REPS1: variants seen among roughly 807,000 people sequenced by gnomAD.
REPS1 encodes RALBP1 associated Eps domain containing 1, also known as ralBP1-associated Eps domain-containing protein 1.
A neutral mutation model predicts 100.9 loss-of-function variants in REPS1; 39 were observed. The ratio of observed to expected loss-of-function variants is 0.39; its 90% CI spans 0.30 to 0.50. The LOEUF is 0.50. Ranked by LOEUF, REPS1 falls within the 20% of genes least tolerant of loss-of-function variation. The pLI, the probability that REPS1 is intolerant of heterozygous loss-of-function variation, is 0.86. For missense variants in REPS1, 821 were observed against 968.5 expected, an observed-to-expected ratio of 0.85 and a Z score of 2.02; for synonymous variants, 324 against 340.3, an observed-to-expected ratio of 0.95 and a Z score of 0.53.
chr6:138,961,925 A>G (rs922845155), intron 1 of REPS1, among the ~76,000 whole-genome samples: 9 of 152,200 alleles, frequency 5.9e-5, no homozygotes, highest in African/African-American at 1.9e-4. Context: ...GTGCAGGTGT[A>G]AAGGAAGCAG....
chr6:138,905,806 A>C (rs781059400), intron 19 of REPS1, among the ~76,000 whole-genome samples: 10 of 152,180 alleles, frequency 6.6e-5, no homozygotes, highest in Non-Finnish European at 1.3e-4. Context: ...ACATCTGGCT[A>C]TATCAACTCC....
Position 138,941,295 on chromosome 6 carries a change from T to G in REPS1, c.1135+40A>C, listed in dbSNP as rs762526146. 4.0e-5 allele frequency: 64 copies of G among 1,602,504 alleles called. 1 individual carries two copies. The highest frequency in any genetic ancestry group is 5.4e-5 in the Non-Finnish European group (63 of 1,172,160). ...CTTTCAGAATCAAGCATTATGTTTA[T>G]CAAGGCATGCAAACAGCTCTCTTCA... On this transcript the variant is annotated intron_variant, in intron 8 of 19. Transcript: ENST00000450536.
chr6:138,908,083 G>A (rs948344983), intron 18 of REPS1, among the ~76,000 whole-genome samples: 1 of 152,024 alleles, frequency 6.6e-6, no homozygotes, highest in African/African-American at 2.4e-5. Flanking sequence ...GCTGATTCCT[G>A]GTCTAGAACA....
chr6:138,957,203 A>G (rs1320617621), intron 1 of REPS1, among the ~76,000 whole-genome samples: 2 of 152,150 alleles, frequency 1.3e-5, no homozygotes, highest in African/African-American at 4.8e-5. Flanking sequence ...AAATGAACCA[A>G]AAAAATTCCT....
At chr6:138,935,872 G>GGGGGGGGGGGGGC (rs1781796702) in intron 8 of REPS1, among the ~76,000 whole-genome samples, 1 of 86,162 alleles carries the variant, frequency 1.2e-5, no homozygotes, top group African/African-American at 4.2e-5. Flanking sequence ...GGGGGGGCGC[G>GGGGGGGGGGGGGC]GGGGAGTGGT....
At chr6:138,923,383 A>T (rs1037263451) in intron 10 of REPS1, among the ~76,000 whole-genome samples, 18 of 152,228 alleles carry the variant, frequency 1.2e-4, no homozygotes, top group Non-Finnish European at 2.4e-4. Context: ...TAGAAATTTT[A>T]AAAAAGAAAA....
rs560163562 is a variant in REPS1 at position 138,923,992 on chromosome 6, G to T, written c.1338+2409C>A. Among the ~76,000 whole-genome samples the T allele has an allele frequency of 9.9e-5, 15 of 152,204 alleles. No individual in the cohort carries two copies. The South Asian group carries it at 3.1e-3, about 32-fold the overall frequency. On this transcript the variant is annotated intron_variant, in intron 10 of 19. Transcript: ENST00000450536. ...TACTTATAATCCTTATTTATATAAA[G>T]CCTTGCAAAGGATCATGTGGGATTG... is the stretch of plus-strand genomic sequence containing the variant.
chr6:138,918,716 G>A (rs1449084679), intron 12 of REPS1, among the ~76,000 whole-genome samples: 5 of 152,112 alleles, frequency 3.3e-5, no homozygotes, highest in Admixed American at 6.5e-5. Context: ...AATAAAATGT[G>A]CTTATACAAT....
At chr6:138,983,258 C>CCT (rs1448536383) in intron 1 of REPS1, among the ~76,000 whole-genome samples, 1 of 152,114 alleles carries the variant, frequency 6.6e-6, no homozygotes, top group African/African-American at 2.4e-5. Context: ...TCAAGACCAG[C>CCT]CTGGCCAATA....
intron 8 of REPS1, among the ~76,000 whole-genome samples, chr6:138,933,281 G>A (rs1451940701): frequency 1.3e-5 from 2 of 152,136 alleles, no homozygotes; most frequent in African/African-American, 4.8e-5. Flanking sequence ...ACTATTTTAG[G>A]TTTTGTGGCT....
intron 1 of REPS1, among the ~76,000 whole-genome samples, chr6:138,972,570 A>G (rs752990670): frequency 1.3e-5 from 2 of 152,126 alleles, no homozygotes; most frequent in Non-Finnish European, 2.9e-5. Context: ...TATTTAGACT[A>G]CATGCTTGTC....
intron 5 of REPS1, 119 bp from the exon 6 acceptor site, chr6:138,944,134 A>C (rs1251793507): frequency 1.1e-5 from 10 of 915,022 alleles, no homozygotes; most frequent in Non-Finnish European, 1.7e-5. Flanking sequence ...TTAAAATGTA[A>C]AACCACACAT....
At chr6:138,981,348 C>A (rs1382085382) in intron 1 of REPS1, among the ~76,000 whole-genome samples, 2 of 152,108 alleles carry the variant, frequency 1.3e-5, no homozygotes, top group African/African-American at 4.8e-5. Context: ...TACAGTTTAA[C>A]TTCCATTAGA....
At chr6:138,932,269 C>A (rs1384807338) in intron 8 of REPS1, among the ~76,000 whole-genome samples, 1 of 150,002 alleles carries the variant, frequency 6.7e-6, no homozygotes, top group East Asian at 2.0e-4. Context: ...GAGTTATTTT[C>A]CTAGAGTTGT....
chr6:138,915,750 T>A, intron 14 of REPS1, 108 bp downstream of exon 14: 1 of 844,912 alleles, frequency 1.2e-6, no homozygotes. Flanking sequence ...CTCGACCAGA[T>A]AAATATTTTT....
rs1312362668 is a variant in REPS1 at position 138,945,340 on chromosome 6, T to C, written c.507A>G (p.Gln169=). ...EPASPVVSPQ[Q]SPPTSPHTWR... is the part of the protein sequence containing the mutation. ...ATGTGTGTGGAGAAGTTGGTGGGGA[T>C]TGCTGTGGTGAAACTACTGGGGATG... Residue 169 remains glutamine (Q), a synonymous_variant, in exon 4 of 20, where the codon CAA becomes CAG. Coordinates refer to ENST00000450536, the MANE Select transcript of REPS1 (RefSeq NM_001286611.2). 1.6e-5 allele frequency: 26 copies of C among 1,611,932 alleles called. No homozygotes were observed. Among genetic ancestry groups the C allele is most frequent in the African/African-American group, 4.0e-5 (3 of 74,844 alleles).
chr6:138,983,179 T>C (rs780243813), intron 1 of REPS1, among the ~76,000 whole-genome samples: 79 of 152,136 alleles, frequency 5.2e-4, no homozygotes, highest in Non-Finnish European at 8.8e-4. Flanking sequence ...AAGTTCTTAG[T>C]GAACAAGAAT....
intron 1 of REPS1, among the ~76,000 whole-genome samples, chr6:138,974,509 T>C (rs536352651): frequency 9.8e-5 from 15 of 152,336 alleles, no homozygotes; most frequent in African/African-American, 3.6e-4. Context: ...AAACCTCTTA[T>C]ATTAAATGTC....
At chr6:138,923,784 A>G (rs143666520) in intron 10 of REPS1, among the ~76,000 whole-genome samples, 5 of 152,348 alleles carry the variant, frequency 3.3e-5, no homozygotes, top group African/African-American at 9.6e-5. Flanking sequence ...TCTAAATGCT[A>G]CAGACCAGTT....
Sources: allele counts gnomAD v4.1 joint callset (sites outside exome capture counted in the v4.1 genomes callset), GRCh38; gene constraint gnomAD v4.1.1; transcripts MANE v1.5; gene names NCBI Gene and HGNC (gene_info 2026-07-23, HGNC 2026-07-21).